The following LEMD3 variants were observed in gnomAD, a reference collection of about 807,000 sequenced individuals.
The protein encoded by LEMD3 is inner nuclear membrane protein Man1.
LEMD3 carries 33 observed loss-of-function variants against 95.2 expected under a neutral mutation model. The observed-to-expected ratio is 0.35, with a 90% CI of 0.26 to 0.46. LEMD3 has a LOEUF of 0.46. Ranked by LOEUF, LEMD3 falls within the 20% of genes least tolerant of loss-of-function variation. The pLI is 1.00. For missense variants in LEMD3, 1,210 were observed against 1,192.8 expected, an observed-to-expected ratio of 1.01 and a Z score of -0.21; for synonymous variants, 525 against 474.6, an observed-to-expected ratio of 1.11 and a Z score of -1.38.
chr12:65,170,435 C>T lies in LEMD3; in HGVS notation c.839C>T (p.Ser280Phe), dbSNP rs746216854. 5 of 1,613,908 alleles carry T rather than the reference C, an allele frequency of 3.1e-6. No individual in the cohort carries two copies. Among genetic ancestry groups the T allele is most frequent in the Non-Finnish European group, 4.2e-6 (5 of 1,179,968 alleles). ...ASSRQVLKDD[S>F]LSRHRPRRTH... The stretch of plus-strand genomic sequence containing the variant: ...AGCAGACAGGTATTAAAGGACGACT[C>T]CCTTTCCCGGCATCGGCCCAGACGA... Residue 280 changes from serine to phenylalanine, a missense_variant, in exon 1 of 13, where the codon TCC (serine) becomes TTC (phenylalanine). By Grantham distance (155) the Ser-to-Phe change is radical. Transcript: ENST00000308330.
rs1257827863 is a variant in LEMD3, at chr12:65,248,344, T to A, written c.*2019T>A. 1 of 152,144 alleles carries A rather than the reference T, an allele frequency of 6.6e-6. No homozygotes were observed. Among genetic ancestry groups the A allele is most frequent in the Non-Finnish European group, 1.5e-5 (1 of 68,004 alleles). 9.4% of individuals were successfully genotyped at this position (152,144 alleles called of 1,614,324 possible). On this transcript the variant is annotated 3_prime_UTR_variant, in exon 13 of 13. Transcript: ENST00000308330. ...TTAGTTTTTTTTTATGTGTCTTGGC[T>A]TTTTAAAAACATTTTAAGTGCCCTG...
rs576720076 is a variant in LEMD3, at chr12:65,231,303, AT to A, written c.1696-7192del. 2.5e-4 allele frequency among the ~76,000 whole-genome samples: 38 copies of A among 152,300 alleles called. No homozygotes were observed. The South Asian group carries it at 2.7e-3, about 11-fold the overall frequency. On this transcript the variant is annotated intron_variant, in intron 4 of 12. Transcript: ENST00000308330. ...CAAAACAGAGAGAGCTTTAAACAGG[AT>A]TTTTTTCCCCCAAAAATGTAATTTT... is the stretch of plus-strand genomic sequence containing the variant.
At chr12:65,217,813 A>G (rs1870154853) in intron 3 of LEMD3, among the ~76,000 whole-genome samples, 1 of 152,096 alleles carries the variant, frequency 6.6e-6, no homozygotes, top group African/African-American at 2.4e-5. Flanking sequence ...TGTTATAACA[A>G]TTTTTGTTTT....
chr12:65,194,991 G>C (rs1343143443), intron 1 of LEMD3, among the ~76,000 whole-genome samples: 1 of 151,574 alleles, frequency 6.6e-6, no homozygotes, highest in Non-Finnish European at 1.5e-5. Context: ...GAATGACTAA[G>C]TAGACATTTT....
chr12:65,232,289 A>G (rs922942751), intron 4 of LEMD3, among the ~76,000 whole-genome samples: 3 of 152,134 alleles, frequency 2.0e-5, no homozygotes, highest in Non-Finnish European at 4.4e-5. Context: ...AAAGAGATCT[A>G]TTACATATTT....
At chr12:65,220,298 C>T (rs1870244972) in intron 4 of LEMD3, among the ~76,000 whole-genome samples, 1 of 152,176 alleles carries the variant, frequency 6.6e-6, no homozygotes, top group African/African-American at 2.4e-5. Context: ...TATACATATA[C>T]ATCTGTGTGT....
rs1565793528 is a variant in LEMD3, at chr12:65,221,836, G to A, written c.1695+3217G>A. Among the ~76,000 whole-genome samples the A allele has an allele frequency of 2.0e-5, 3 of 151,388 alleles. No homozygotes were observed. In the South Asian group the frequency reaches 6.2e-4, roughly 32 times the overall value. On this transcript the variant is annotated intron_variant, in intron 4 of 12. Transcript: ENST00000308330. Reference sequence around the variant, plus strand: ...GCTCAATACAACCTCCACCTCCTGGGCTCAAGCGATTCACATGTCTCAGCT... The same window carrying A: ...GCTCAATACAACCTCCACCTCCTGGACTCAAGCGATTCACATGTCTCAGCT...
intron 1 of LEMD3, 45 bp from the exon 2 acceptor site, chr12:65,210,881 T>C: frequency 7.0e-7 from 1 of 1,431,366 alleles, no homozygotes; most frequent in Non-Finnish European, 9.9e-7. Flanking sequence ...GGGATTTTAA[T>C]TCGTAAGTGA....
chr12:65,202,862 A>G (rs1275363285), intron 1 of LEMD3, among the ~76,000 whole-genome samples: 1 of 152,066 alleles, frequency 6.6e-6, no homozygotes, highest in East Asian at 1.9e-4. Flanking sequence ...TTCTTTTGTT[A>G]TCCTTTTAAT....
Position 65,169,767 on chromosome 12 carries a change from G to T in LEMD3, c.171G>T (p.Gly57=). Residue 57 remains glycine, a synonymous_variant, in exon 1 of 13, where the codon GGG becomes GGT. Transcript: ENST00000308330. ...REEEQQQHRS[G]GRGNKTRNSN... is the part of the protein sequence containing the mutation. Reference sequence around the variant, plus strand: ...AAGAGCAGCAACAGCACCGGTCAGGGGGCCGCGGCAACAAGACGCGGAACA... The same window carrying T: ...AAGAGCAGCAACAGCACCGGTCAGGTGGCCGCGGCAACAAGACGCGGAACA... 6.3e-7 allele frequency: 1 copy of T among 1,585,326 alleles called. No individual in the cohort carries two copies. The highest frequency in any genetic ancestry group is 2.3e-5 in the East Asian group (1 of 43,712).
At chr12:65,180,541 A>G (rs1868870322) in intron 1 of LEMD3, among the ~76,000 whole-genome samples, 1 of 152,072 alleles carries the variant, frequency 6.6e-6, no homozygotes, top group Non-Finnish European at 1.5e-5. Context: ...ATAGTAACAG[A>G]GGTAATCTCT....
Position 65,239,963 on chromosome 12 carries a change from G to A in LEMD3, c.1956G>A (p.Met652Ile), listed in dbSNP as rs749433061. The change falls in exon 7 of 13, where the codon ATG becomes ATA. Residue 652 changes from methionine to isoleucine, a missense_variant. Met to Ile is a conservative substitution (Grantham distance 10). This residue lies in a region of LEMD3 where 461 missense variants were observed against 569.8 expected (regional missense o/e 0.81). Transcript: ENST00000308330. Reference sequence around the variant, plus strand: ...TGGTTTGTGTCGTTCTGCGTTACATGAAATATCGATGGACAAAAGAAGAGG... The same window carrying A: ...TGGTTTGTGTCGTTCTGCGTTACATAAAATATCGATGGACAAAAGAAGAGG... ...VVMVCVVLRY[M>I]KYRWTKEEEE... The A allele has an allele frequency of 6.2e-7, 1 of 1,612,248 alleles. No individual in the cohort carries two copies. Among genetic ancestry groups the A allele is most frequent in the Non-Finnish European group, 8.5e-7 (1 of 1,178,468 alleles).
chr12:65,170,319 C>G lies in LEMD3; in HGVS notation c.723C>G (p.Ser241Arg), dbSNP rs781619701. 4 of 1,597,108 alleles carry G rather than the reference C, an allele frequency of 2.5e-6. No individual in the cohort carries two copies. Among genetic ancestry groups the G allele is most frequent in the Non-Finnish European group, 2.6e-6 (3 of 1,171,626 alleles). The stretch of plus-strand genomic sequence containing the variant: ...AGACCGAGGAGCCGCTCTGGGCGAG[C>G]CGGACCGTGAATGGCAGCCGGCTTG... The part of the protein sequence containing the change: ...DPETEEPLWA[S>R]RTVNGSRLVP... The change falls in exon 1 of 13, where the codon AGC becomes AGG. Residue 241 changes from serine (S) to arginine (R), a missense_variant. By Grantham distance (110) the Ser-to-Arg change is moderately radical (BLOSUM62 -1). Coordinates refer to ENST00000308330, the MANE Select transcript of LEMD3 (RefSeq NM_014319.5).
In LEMD3 at chr12:65,248,212, A is replaced by T. The variant is rs1043381992; in HGVS notation, c.*1887A>T. On this transcript the variant is annotated 3_prime_UTR_variant, in exon 13 of 13. Coordinates refer to ENST00000308330, the MANE Select transcript of LEMD3 (RefSeq NM_014319.5). ...GCCGACCAAGATCCCTCCCTGCAAG[A>T]CAGATGGGAATGTGTATAATAACTA... 6.6e-6 allele frequency: 1 copy of T among 152,414 alleles called. No homozygotes were observed. Among genetic ancestry groups the T allele is most frequent in the South Asian group, 2.1e-4 (1 of 4,836 alleles). The allele number at this position is 152,414 out of a possible 1,614,324, so 9.4% of individuals were successfully genotyped here. A position where few individuals can be genotyped will look rare whatever the true frequency, so the allele number is the denominator to read the frequency against.
chr12:65,220,043 T>G (rs892900672), intron 4 of LEMD3, among the ~76,000 whole-genome samples: 4 of 152,248 alleles, frequency 2.6e-5, no homozygotes, highest in Non-Finnish European at 5.9e-5. Context: ...ACTCTACTTT[T>G]AATTCTGTTA....
At chr12:65,222,125 T>G (rs1355269619) in intron 4 of LEMD3, among the ~76,000 whole-genome samples, 1 of 152,188 alleles carries the variant, frequency 6.6e-6, no homozygotes, top group Non-Finnish European at 1.5e-5. Flanking sequence ...TTGAGATAAT[T>G]TCCTTCTATT....
intron 2 of LEMD3, among the ~76,000 whole-genome samples, chr12:65,212,138 A>G (rs1296937728): frequency 6.6e-6 from 1 of 151,864 alleles, no homozygotes; most frequent in African/African-American, 2.4e-5. Context: ...ATGCAGGGCA[A>G]CTCCACTTTA....
intron 4 of LEMD3, among the ~76,000 whole-genome samples, chr12:65,228,383 ATTAT>A (rs1359085937): frequency 0.028 from 4,100 of 144,806 alleles, 199 homozygotes; most frequent in African/African-American, 0.1. Context: ...TATTATTGTT[ATTAT>A]TTATTTATTT....
chr12:65,197,239 C>T (rs956663286), intron 1 of LEMD3, among the ~76,000 whole-genome samples: 2 of 152,060 alleles, frequency 1.3e-5, no homozygotes, highest in Non-Finnish European at 2.9e-5. Context: ...TTTCCCATCT[C>T]AAGGTGTGGC....
Sources: allele counts gnomAD v4.1 joint callset (sites outside exome capture counted in the v4.1 genomes callset), GRCh38; gene constraint gnomAD v4.1.1; regional missense constraint gnomAD v4.1.1; transcripts MANE v1.5; gene names NCBI Gene and HGNC (gene_info 2026-07-23, HGNC 2026-07-21).